The following SLC45A3 variants were observed in gnomAD, a reference collection of about 807,000 sequenced individuals.
The protein encoded by SLC45A3 is prostate cancer associated protein 2.
In SLC45A3, 17 loss-of-function variants were observed where a neutral mutation model predicts 35.3. The ratio of observed to expected loss-of-function variants is 0.48; its 90% CI spans 0.33 to 0.72. SLC45A3 has a LOEUF of 0.72. Among genes scored for constraint, SLC45A3 ranks in the 30% least tolerant of loss-of-function variants. The pLI is 0.02. For missense variants in SLC45A3, 597 were observed against 731.7 expected, an observed-to-expected ratio of 0.82 and a Z score of 2.12; for synonymous variants, 288 against 334.3, an observed-to-expected ratio of 0.86 and a Z score of 1.51.
Position 205,659,275 on chromosome 1 carries a change from C to T in SLC45A3, c.1621G>A (p.Val541Ile), listed in dbSNP as rs1296745022. ...GLVAIYFATQ[V>I]VFDKSDLAKY... Reference sequence around the variant, plus strand: ...GCCAAGTCGCTCTTGTCAAATACTACCTGTGTAGCAAAGTAAATGGCGACC... The same window carrying T: ...GCCAAGTCGCTCTTGTCAAATACTATCTGTGTAGCAAAGTAAATGGCGACC... Residue 541 changes from valine (V) to isoleucine (I), a missense_variant, in exon 5 of 5, where the codon GTA becomes ATA. By Grantham distance (29) the Val-to-Ile change is conservative (BLOSUM62 3). This residue lies in a region of SLC45A3 where 555 missense variants were observed against 664.9 expected (regional missense o/e 0.83). Transcript: ENST00000367145. The surrounding 1 kb of genome is among the most constrained non-coding windows in gnomAD (Gnocchi z 5.8). 1.2e-6 allele frequency: 2 copies of T among 1,614,034 alleles called. No individual in the cohort carries two copies. Among genetic ancestry groups the T allele is most frequent in the South Asian group, 1.1e-5 (1 of 91,070 alleles).
At chr1:205,680,144 G>A (rs1175289447) in intron 1 of SLC45A3, among the ~76,000 whole-genome samples, 1 of 151,304 alleles carries the variant, frequency 6.6e-6, no homozygotes, top group Non-Finnish European at 1.5e-5. Flanking sequence ...GCCCTCCGCG[G>A]AAGAAAGCAC....
At chr1:205,665,430 T>C (rs900993002) in intron 1 of SLC45A3, among the ~76,000 whole-genome samples, 2 of 152,212 alleles carry the variant, frequency 1.3e-5, no homozygotes, top group South Asian at 2.1e-4. Context: ...GGCTGTTTTG[T>C]TGGGTTGGGT....
chr1:205,671,257 C>G (rs1303218445), intron 1 of SLC45A3, among the ~76,000 whole-genome samples: 1 of 152,206 alleles, frequency 6.6e-6, no homozygotes, highest in African/African-American at 2.4e-5. Flanking sequence ...TCAATACAGA[C>G]ACACATTCTG....
Position 205,659,376 on chromosome 1 carries a change from GA to G in SLC45A3, c.1519del (p.Ser507ProfsTer35). 3.1e-6 allele frequency: 5 copies of G among 1,614,232 alleles called. No homozygotes were observed. Among genetic ancestry groups the G allele is most frequent in the Non-Finnish European group, 4.2e-6 (5 of 1,180,042 alleles). On this transcript the variant is annotated frameshift_variant, in exon 5 of 5. Transcript: ENST00000367145. LOFTEE classifies it high-confidence loss of function. This position sits in a 1 kb window ranked among gnomAD's most constrained non-coding sequence, Gnocchi z 5.8. ...CTGGACAATGGAGCCCATAAACAGG[GA>G]TGGGGCCACCTGGGACAGCAGGAAG... ...SAFLLSQVAP[S>X]LFMGSIVQLS...
chr1:205,679,422 G>T (rs140085354), intron 1 of SLC45A3, among the ~76,000 whole-genome samples: 211 of 152,168 alleles, frequency 1.4e-3, no homozygotes, highest in Non-Finnish European at 2.6e-3. Context: ...CAGGACTGCA[G>T]TGCCTGGGGG....
Position 205,663,526 on chromosome 1 carries a change from T to C in SLC45A3, c.265A>G (p.Ile89Val). The C allele has an allele frequency of 6.2e-7, 1 of 1,613,024 alleles. No homozygotes were observed. Among genetic ancestry groups the C allele is most frequent in the Middle Eastern group, 1.7e-4 (1 of 6,058 alleles). ...AGGATGCCCAAGGACAGTGCCCAGA[T>C]GAAGGGCCGGCGGCGGCCATAGCGT... ...RGRYGRRRPF[I>V]WALSLGILLS... The change falls in exon 3 of 5, where the codon ATC (isoleucine) becomes GTC (valine). Residue 89 changes from isoleucine to valine, a missense_variant. By Grantham distance (29) the Ile-to-Val change is conservative. Transcript: ENST00000367145.
In SLC45A3 at chr1:205,669,374, G is replaced by A. The variant is rs967599851; in HGVS notation, c.-230-4488C>T. 6.6e-6 allele frequency among the ~76,000 whole-genome samples: 1 copy of A among 152,294 alleles called. No homozygotes were observed. The highest frequency in any genetic ancestry group is 6.5e-5 in the Admixed American group (1 of 15,304). The stretch of plus-strand genomic sequence containing the variant: ...GGCAGAGAAGGAGGAAAGCTGACCC[G>A]AGCCCACTCCCTGGTAGCTCCCTAA... On this transcript the variant is annotated intron_variant, in intron 1 of 4. Transcript: ENST00000367145. The surrounding 1 kb of genome is among the most constrained non-coding windows in gnomAD (Gnocchi z 4.1).
chr1:205,677,891 T>A (rs1464138365), intron 1 of SLC45A3, among the ~76,000 whole-genome samples: 1 of 152,252 alleles, frequency 6.6e-6, no homozygotes, highest in East Asian at 1.9e-4. Flanking sequence ...TTATGTCTGT[T>A]ATAATCTACT....
Position 205,664,867 on chromosome 1 carries a change from C to T in SLC45A3, c.-211G>A, listed in dbSNP as rs944302942. The T allele has an allele frequency of 2.9e-6, 4 of 1,403,016 alleles. No individual in the cohort carries two copies. The African/African-American group carries it at 4.3e-5, about 15-fold the overall frequency. The allele number at this position is 1,403,016 out of a possible 1,614,324, so 86.9% of individuals were successfully genotyped here. A position where few individuals can be genotyped will look rare whatever the true frequency, so the allele number is the denominator to read the frequency against. On this transcript the variant is annotated 5_prime_UTR_variant, in exon 2 of 5. Transcript: ENST00000367145. The surrounding 1 kb of genome is among the most constrained non-coding windows in gnomAD (Gnocchi z 5.3). The stretch of plus-strand genomic sequence containing the variant: ...CTGCTGTGGGGCACCTCAGTGGGGA[C>T]ACGTCTCATCACTCAGATCCTAGAA...
At chr1:205,674,501 C>T (rs550225459) in intron 1 of SLC45A3, among the ~76,000 whole-genome samples, 2 of 148,136 alleles carry the variant, frequency 1.4e-5, no homozygotes, top group East Asian at 2.1e-4. Context: ...GCAGGTGAAT[C>T]GCTTGAACCT....
chr1:205,659,340 G>C lies in SLC45A3; in HGVS notation c.1556C>G (p.Ser519Cys). The part of the protein sequence containing the change: ...FMGSIVQLSQ[S>C]VTAYMVSAAG... Reference sequence around the variant, plus strand: ...GGCAGACACCATATAGGCAGTGACAGACTGGCTGAGCTGGACAATGGAGCC... The same window carrying C: ...GGCAGACACCATATAGGCAGTGACACACTGGCTGAGCTGGACAATGGAGCC... The change falls in exon 5 of 5, where the codon TCT becomes TGT. Residue 519 changes from serine (S) to cysteine (C), a missense_variant. By Grantham distance (112) the Ser-to-Cys change is moderately radical. This residue lies in a region of SLC45A3 where 555 missense variants were observed against 664.9 expected (regional missense o/e 0.83). Transcript: ENST00000367145. The surrounding 1 kb of genome is among the most constrained non-coding windows in gnomAD (Gnocchi z 5.8). 6.2e-7 allele frequency: 1 copy of C among 1,614,232 alleles called. No homozygotes were observed. The highest frequency in any genetic ancestry group is 8.5e-7 in the Non-Finnish European group (1 of 1,180,040).
intron 1 of SLC45A3, among the ~76,000 whole-genome samples, chr1:205,680,188 T>A: frequency 6.6e-6 from 1 of 151,512 alleles, no homozygotes; most frequent in Non-Finnish European, 1.5e-5. Context: ...CGCCGGGCAC[T>A]CGGCACCCGC....
rs1177773907 is a variant in SLC45A3, at chr1:205,663,559, A to G, written c.232T>C (p.Trp78Arg). 3 of 1,612,208 alleles carry G rather than the reference A, an allele frequency of 1.9e-6. No homozygotes were observed. Among genetic ancestry groups the G allele is most frequent in the Non-Finnish European group, 2.5e-6 (3 of 1,179,788 alleles). Residue 78 changes from tryptophan to arginine, a missense_variant, in exon 3 of 5, where the codon TGG (tryptophan) becomes CGG (arginine). Transcript: ENST00000367145. The part of the protein sequence containing the change: ...VPLLGSASDH[W>R]RGRYGRRRPF... ...CGGCGGCGGCCATAGCGTCCACGCC[A>G]GTGGTCACTGGCTGAGCCTAGGAGC... is the stretch of plus-strand genomic sequence containing the variant.
intron 1 of SLC45A3, among the ~76,000 whole-genome samples, chr1:205,671,587 G>A (rs922441252): frequency 9.8e-5 from 15 of 152,318 alleles, no homozygotes; most frequent in Middle Eastern, 3.4e-3. Flanking sequence ...GGCCGGGCAC[G>A]GTGGCTCACG....
chr1:205,680,157 C>T (rs1671381529), intron 1 of SLC45A3, among the ~76,000 whole-genome samples: 5 of 151,606 alleles, frequency 3.3e-5, no homozygotes, highest in Admixed American at 3.3e-4. Context: ...GAAAGCACAG[C>T]TCAGCGGGGA....
rs923258482 is a variant in SLC45A3, at chr1:205,659,851, C to T, written c.1225-180G>A. On this transcript the variant is annotated intron_variant, in intron 4 of 4. Transcript: ENST00000367145. This position sits in a 1 kb window ranked among gnomAD's most constrained non-coding sequence, Gnocchi z 5.8. Reference sequence around the variant, plus strand: ...TCCAAGTCTAACCAGGACCCTTCCTCAGGAGTGGGAGAAGGGTAACGGGGT... The same window carrying T: ...TCCAAGTCTAACCAGGACCCTTCCTTAGGAGTGGGAGAAGGGTAACGGGGT... 1.3e-5 allele frequency among the ~76,000 whole-genome samples: 2 copies of T among 152,130 alleles called. No homozygotes were observed. The highest frequency in any genetic ancestry group is 4.8e-5 in the African/African-American group (2 of 41,404).
In SLC45A3 at chr1:205,664,724, C is replaced by T; in HGVS notation, c.-68G>A. On this transcript the variant is annotated 5_prime_UTR_variant, in exon 2 of 5. Coordinates refer to ENST00000367145, the MANE Select transcript of SLC45A3 (RefSeq NM_033102.3). This position sits in a 1 kb window ranked among gnomAD's most constrained non-coding sequence, Gnocchi z 5.3. Reference sequence around the variant, plus strand: ...CCAGAACTGCTTCGTCTCGGCTCTGCTCCAGAAGCTGCGGCCTCTCCTCCT... The same window carrying T: ...CCAGAACTGCTTCGTCTCGGCTCTGTTCCAGAAGCTGCGGCCTCTCCTCCT... The T allele has an allele frequency of 6.4e-7, 1 of 1,563,272 alleles. No individual in the cohort carries two copies. The highest frequency in any genetic ancestry group is 1.2e-5 in the South Asian group (1 of 84,356).
At chr1:205,678,200 C>T (rs531565060) in intron 1 of SLC45A3, among the ~76,000 whole-genome samples, 3 of 152,146 alleles carry the variant, frequency 2.0e-5, no homozygotes, top group East Asian at 3.9e-4. Flanking sequence ...GCCTGTAATC[C>T]CAGCTACTTG....
At chr1:205,673,363 C>A (rs1310711057) in intron 1 of SLC45A3, among the ~76,000 whole-genome samples, 1 of 152,168 alleles carries the variant, frequency 6.6e-6, no homozygotes, top group East Asian at 1.9e-4. Context: ...CTCGGAAATT[C>A]CTTCCCCCCA....
Sources: allele counts gnomAD v4.1 joint callset (sites outside exome capture counted in the v4.1 genomes callset), GRCh38; gene constraint gnomAD v4.1.1; regional missense constraint gnomAD v4.1.1; non-coding constraint Gnocchi (gnomAD v3.1); transcripts MANE v1.5; gene names NCBI Gene and HGNC (gene_info 2026-07-23, HGNC 2026-07-21).